The following TBXT variants were observed in gnomAD, a reference collection of about 807,000 sequenced individuals.
The protein encoded by TBXT is T-box transcription factor T, also known as T brachyury transcription factor.
Under a neutral mutation model 41.1 loss-of-function variants are expected in TBXT, and 19 were observed. The ratio of observed to expected loss-of-function variants is 0.46; its 90% CI spans 0.32 to 0.68. The LOEUF (loss-of-function observed/expected upper bound fraction) is 0.68, where lower values mean the gene tolerates loss of function less well. Among genes scored for constraint, TBXT ranks in the 30% least tolerant of loss-of-function variants. TBXT has a pLI of 0.03. For missense variants in TBXT, 536 were observed against 582.0 expected (o/e 0.92, Z 0.81); for synonymous variants, 213 against 238.9 (o/e 0.89, Z 1.00).
rs771599771 is a variant in TBXT, at chr6:166,166,744, C to G, written c.319G>C (p.Gly107Arg). ...ADNHRWKYVNGEWVPGGKPEP... is the reference protein window; with the variant it reads ...ADNHRWKYVNREWVPGGKPEP... ...GGCTTGCCCCCCGGCACCCATTCCC[C>G]GTTCACGTACTTCCAGCGGTGGTTG... Residue 107 changes from glycine to arginine, a missense_variant, in exon 2 of 8, where the codon GGG (glycine) becomes CGG (arginine). Physicochemically the swap from Gly to Arg is moderately radical, Grantham distance 125. Transcript: ENST00000366876. 5.8e-5 allele frequency: 93 copies of G among 1,613,724 alleles called. No individual in the cohort carries two copies. The highest frequency in any genetic ancestry group is 7.7e-5 in the Non-Finnish European group (91 of 1,180,056).
upstream of TBXT, chr6:166,167,912 C>A (rs1324701925): frequency 1.1e-5 from 5 of 442,538 alleles, no homozygotes; most frequent in African/African-American, 2.0e-5. Context: ...CTGGGGTGCT[C>A]GGCGGATTGG....
Position 166,167,706 on chromosome 6 carries a change from A to C in TBXT, c.-115T>G. ...GAGAAAAGGGGCCCCTTGGACCGAG[A>C]CCTGCGACGGCTCCCGGGTCCCGGG... is the stretch of plus-strand genomic sequence containing the variant. On this transcript the variant is annotated 5_prime_UTR_variant, in exon 1 of 8. Coordinates refer to ENST00000366876, the MANE Select transcript of TBXT (RefSeq NM_001366285.2). 7.2e-7 allele frequency: 1 copy of C among 1,383,388 alleles called. No homozygotes were observed. Among genetic ancestry groups the C allele is most frequent in the Non-Finnish European group, 9.8e-7 (1 of 1,016,632 alleles). The allele number at this position is 1,383,388 out of a possible 1,614,324, so 85.7% of individuals were successfully genotyped here.
In TBXT at chr6:166,158,486, G is replaced by C. The variant is rs956590412; in HGVS notation, c.1140C>G (p.Ser380=). Reference sequence around the variant, plus strand: ...GGGTGAGGGGTGTGTAGTGCGCGGGGGAGCCCCGGAAGAACTGGGCCCCCA... The same window carrying C: ...GGGTGAGGGGTGTGTAGTGCGCGGGCGAGCCCCGGAAGAACTGGGCCCCCA... ...NGLGAQFFRG[S]PAHYTPLTHP... is the part of the protein sequence containing the mutation. Residue 380 remains serine (S), a synonymous_variant, in exon 8 of 8, where the codon TCC becomes TCG. Coordinates refer to ENST00000366876, the MANE Select transcript of TBXT (RefSeq NM_001366285.2). 1.9e-6 allele frequency: 3 copies of C among 1,611,890 alleles called. No individual in the cohort carries two copies. Among genetic ancestry groups the C allele is most frequent in the Admixed American group, 1.7e-5 (1 of 59,960 alleles).
Position 166,158,231 on chromosome 6 carries a change from T to G in TBXT, c.*84A>C. On this transcript the variant is annotated 3_prime_UTR_variant, in exon 8 of 8. Coordinates refer to ENST00000366876, the MANE Select transcript of TBXT (RefSeq NM_001366285.2). ...TTCCTTCTTAACCTGAGACTGCCAC[T>G]GGGTACCTAGTAGGTCAATCCAGTC... 2 of 1,607,310 alleles carry G rather than the reference T, an allele frequency of 1.2e-6. No individual in the cohort carries two copies. Among genetic ancestry groups the G allele is most frequent in the Non-Finnish European group, 1.7e-6 (2 of 1,174,406 alleles).
In TBXT at chr6:166,167,399, T is replaced by G; in HGVS notation, c.193A>C (p.Thr65Pro). ...ACGCGCACCCACCTGCCGTTCTTGG[T>G]CACGATCATCTCATTGGTGAGCTCC... The part of the protein sequence containing the change: ...FKELTNEMIV[T>P]KNGRRMFPVL... The change falls in exon 1 of 8, where the codon ACC becomes CCC. Residue 65 changes from threonine to proline, a missense_variant. Coordinates refer to ENST00000366876, the MANE Select transcript of TBXT (RefSeq NM_001366285.2). The G allele has an allele frequency of 6.2e-7, 1 of 1,613,024 alleles. No individual in the cohort carries two copies.
intron 7 of TBXT, 40 bp from the exon 8 acceptor site, chr6:166,158,628 G>A: frequency 1.4e-6 from 2 of 1,460,112 alleles, no homozygotes; most frequent in Non-Finnish European, 1.8e-6. Flanking sequence ...CCTGGGCAGG[G>A]GCTGCAGGCC....
At chr6:166,162,235 G>A (rs1239798186) in intron 6 of TBXT, among the ~76,000 whole-genome samples, 1 of 152,238 alleles carries the variant, frequency 6.6e-6, no homozygotes, top group African/African-American at 2.4e-5. Flanking sequence ...GCAAGCCTCT[G>A]ATCTGGGTGT....
intron 6 of TBXT, 93 bp downstream of exon 6, chr6:166,162,353 AT>A: frequency 6.9e-6 from 10 of 1,457,168 alleles, no homozygotes; most frequent in Non-Finnish European, 6.7e-6. Flanking sequence ...AACCGTCTCC[AT>A]TTTTTTAGAT....
chr6:166,167,155 C>A (rs1486231804), intron 1 of TBXT, among the ~76,000 whole-genome samples: 1 of 152,248 alleles, frequency 6.6e-6, no homozygotes, highest in Non-Finnish European at 1.5e-5. Flanking sequence ...TCCCGGGATG[C>A]CTCCGAGGTC....
intron 7 of TBXT, among the ~76,000 whole-genome samples, chr6:166,159,002 G>A (rs370514227): frequency 2.0e-5 from 3 of 152,234 alleles, no homozygotes; most frequent in Admixed American, 6.5e-5. Context: ...GTGAAACCCC[G>A]TCTCTACTAA....
rs1779124646 is a variant in TBXT at position 166,166,634 on chromosome 6, G to A, written c.429C>T (p.Phe143=). The A allele has an allele frequency of 6.2e-7, 1 of 1,613,972 alleles. No individual in the cohort carries two copies. The highest frequency in any genetic ancestry group is 1.1e-5 in the South Asian group (1 of 91,092). Residue 143 remains phenylalanine (F), a synonymous_variant, in exon 2 of 8, where the codon TTC becomes TTT. Coordinates refer to ENST00000366876, the MANE Select transcript of TBXT (RefSeq NM_001366285.2). ...GAHWMKAPVS[F]SKVKLTNKLN... is the part of the protein sequence containing the mutation. ...GCTTGTTGGTGAGCTTGACTTTGCT[G>A]AAGGAGACGGGAGCCTTCATCCAGT...
intron 5 of TBXT, among the ~76,000 whole-genome samples, chr6:166,164,074 T>C (rs938133898): frequency 2.0e-5 from 3 of 152,208 alleles, no homozygotes; most frequent in African/African-American, 7.2e-5. Context: ...TCCCAACAAA[T>C]GCTGCCGTAT....
intron 1 of TBXT, 51 bp from the exon 2 acceptor site, chr6:166,166,907 C>T: frequency 6.2e-7 from 1 of 1,611,080 alleles, no homozygotes; most frequent in Non-Finnish European, 8.5e-7. Flanking sequence ...ACCAGGTAGG[C>T]CGGAGGCAGA....
At chr6:166,166,995 C>T (rs1007969470) in intron 1 of TBXT, 139 bp from the exon 2 acceptor site, 3 of 1,444,596 alleles carry the variant, frequency 2.1e-6, no homozygotes, top group East Asian at 2.4e-5. Flanking sequence ...CTCCCAAGCT[C>T]CCCCTTCCCC....
At position 166,158,414 on chromosome 6, in the gene TBXT, C is replaced by G; in HGVS notation, c.1212G>C (p.Gly404=). The G allele has an allele frequency of 1.2e-6, 2 of 1,614,206 alleles. No homozygotes were observed. The highest frequency in any genetic ancestry group is 1.3e-5 in the African/African-American group (1 of 75,070). Residue 404 remains glycine, a synonymous_variant, in exon 8 of 8, where the codon GGG becomes GGC. Transcript: ENST00000366876. Reference sequence around the variant, plus strand: ...CCACGATGTCTGTGGCCGCGGCCGCCCCTTCGTACAGTGGGGATCCCGAGG... The same window carrying G: ...CCACGATGTCTGTGGCCGCGGCCGCGCCTTCGTACAGTGGGGATCCCGAGG... ...PSSSGSPLYE[G]AAAATDIVDS... is the part of the protein sequence containing the mutation.
chr6:166,162,306 G>A (rs1251887927), intron 6 of TBXT, 141 bp downstream of exon 6: 1 of 849,600 alleles, frequency 1.2e-6, no homozygotes, highest in Non-Finnish European at 1.9e-6. Flanking sequence ...CTTCTCTTGA[G>A]CTACTAAAAA....
At chr6:166,162,021 C>G (rs772398409) in intron 6 of TBXT, among the ~76,000 whole-genome samples, 5 of 152,222 alleles carry the variant, frequency 3.3e-5, no homozygotes, top group African/African-American at 4.8e-5. Flanking sequence ...TGCTGAGGCT[C>G]TGGCCTGGGC....
At position 166,162,520 on chromosome 6, in the gene TBXT, G is replaced by A. The variant is rs1778989769; in HGVS notation, c.834C>T (p.Asp278=). 2 of 1,614,022 alleles carry A rather than the reference G, an allele frequency of 1.2e-6. No individual in the cohort carries two copies. The highest frequency in any genetic ancestry group is 2.7e-5 in the African/African-American group (2 of 74,908). Residue 278 remains aspartate, a synonymous_variant, in exon 6 of 8, where the codon GAC becomes GAT. Transcript: ENST00000366876. The part of the protein sequence containing the change: ...ALSLPSTHSC[D]RYPTLRSHRS... ...GGTGGCTCCTCAGGGTTGGGTACCT[G>A]TCACAGCTGTGCGTGGAGGGGAGGG...
chr6:166,161,027 C>T, intron 6 of TBXT, 61 bp from the exon 7 acceptor site: 2 of 1,599,370 alleles, frequency 1.3e-6, no homozygotes, highest in East Asian at 2.2e-5. Context: ...CAACAAAGTA[C>T]AGTGAAATAC....
Sources: gnomAD v4.1 joint callset for allele counts (sites outside exome capture counted in the v4.1 genomes callset) on GRCh38, gnomAD v4.1.1 for gene constraint, MANE v1.5 for transcripts, NCBI Gene and HGNC (gene_info 2026-07-23, HGNC 2026-07-21) for gene names.